The following CNTNAP5 variants were observed in gnomAD, a reference collection of about 807,000 sequenced individuals.
CNTNAP5 encodes contactin associated protein family member 5.
A neutral mutation model predicts 150.2 loss-of-function variants in CNTNAP5; 72 were observed. The ratio of observed to expected loss-of-function variants is 0.48; its 90% confidence interval spans 0.40 to 0.58. The LOEUF (loss-of-function observed/expected upper bound fraction) is 0.58, where lower values mean the gene tolerates loss of function less well. Ranked by LOEUF, CNTNAP5 falls within the 20% of genes least tolerant of loss-of-function variation. The pLI is 0.00. For synonymous variants in CNTNAP5, 672 were observed against 619.8 expected, an observed-to-expected ratio of 1.08 and a Z score of -1.25; for missense variants, 1,636 against 1,626.2, an observed-to-expected ratio of 1.01 and a Z score of -0.10.
At chr2:124,035,654 T>C (rs1251504626) in intron 1 of CNTNAP5, among the ~76,000 whole-genome samples, 3 of 152,176 alleles carry the variant, frequency 2.0e-5, no homozygotes, top group African/African-American at 7.2e-5. Flanking sequence ...CAGGCAAATT[T>C]GCATTCAGCT....
At chr2:124,804,591 C>T (rs1180326086) in intron 19 of CNTNAP5, among the ~76,000 whole-genome samples, 1 of 152,052 alleles carries the variant, frequency 6.6e-6, no homozygotes, top group African/African-American at 2.4e-5. Flanking sequence ...AAGCAGGAGA[C>T]ACTAGAGAAC....
At chr2:124,440,077 T>C (rs1205000554) in intron 5 of CNTNAP5, among the ~76,000 whole-genome samples, 2 of 152,202 alleles carry the variant, frequency 1.3e-5, no homozygotes, top group Non-Finnish European at 2.9e-5. Context: ...CCCTATTCTT[T>C]GAGTCCTTAG....
intron 12 of CNTNAP5, among the ~76,000 whole-genome samples, chr2:124,611,464 CT>C (rs1394065529): frequency 2.0e-5 from 3 of 152,296 alleles, no homozygotes; most frequent in African/African-American, 4.8e-5. Context: ...ATGATAGCTG[CT>C]TTTCAAAAGC....
intron 17 of CNTNAP5, among the ~76,000 whole-genome samples, chr2:124,784,131 A>G (rs1681514000): frequency 6.6e-6 from 1 of 152,188 alleles, no homozygotes; most frequent in Non-Finnish European, 1.5e-5. Flanking sequence ...CTCCATGTTC[A>G]AGGGCATAAA....
At chr2:124,553,875 G>A (rs116610924) in intron 10 of CNTNAP5, among the ~76,000 whole-genome samples, 192 of 152,284 alleles carry the variant, frequency 1.3e-3, no homozygotes, top group African/African-American at 4.5e-3. Context: ...TTTGTGCAGA[G>A]CCTGATGGAG....
intron 8 of CNTNAP5, among the ~76,000 whole-genome samples, chr2:124,510,471 GTA>G (rs1236074808): frequency 6.3e-5 from 3 of 47,956 alleles, no homozygotes; most frequent in South Asian, 8.7e-4. Context: ...TAAATTTTAT[GTA>G]TGTGTATATA....
chr2:124,566,230 G>A (rs1174886186), intron 11 of CNTNAP5, among the ~76,000 whole-genome samples: 2 of 152,062 alleles, frequency 1.3e-5, no homozygotes, highest in African/African-American at 4.8e-5. Flanking sequence ...AGCAAGACAA[G>A]GGAAACATGA....
At chr2:124,698,375 TACACACACAC>T (rs59897587) in intron 13 of CNTNAP5, among the ~76,000 whole-genome samples, 5 of 147,322 alleles carry the variant, frequency 3.4e-5, no homozygotes, top group Non-Finnish European at 3.0e-5. Context: ...GACGAGAGGA[TACACACACAC>T]ACACACACAC....
intron 1 of CNTNAP5, among the ~76,000 whole-genome samples, chr2:124,171,218 T>G (rs1169449368): frequency 6.6e-6 from 1 of 152,194 alleles, no homozygotes; most frequent in African/African-American, 2.4e-5. Context: ...CTGCAAATGC[T>G]CTTTCTCTGT....
At chr2:124,071,286 C>A (rs1351607768) in intron 1 of CNTNAP5, among the ~76,000 whole-genome samples, 1 of 151,604 alleles carries the variant, frequency 6.6e-6, no homozygotes, top group African/African-American at 2.4e-5. Context: ...CCTAACAATG[C>A]ATGTTAGAGA....
chr2:124,739,052 G>C (rs1573584603), intron 13 of CNTNAP5, among the ~76,000 whole-genome samples: 2 of 152,148 alleles, frequency 1.3e-5, no homozygotes, highest in Non-Finnish European at 2.9e-5. Flanking sequence ...GTCCATTCTA[G>C]AGAGCTTTGC....
chr2:124,079,109 T>G (rs1682502608), intron 1 of CNTNAP5, among the ~76,000 whole-genome samples: 1 of 152,202 alleles, frequency 6.6e-6, no homozygotes, highest in Non-Finnish European at 1.5e-5. Context: ...AACTGTTCAC[T>G]GGAACTGTGG....
At chr2:124,509,304 T>A (rs1007758733) in intron 8 of CNTNAP5, among the ~76,000 whole-genome samples, 29 of 152,202 alleles carry the variant, frequency 1.9e-4, no homozygotes, top group African/African-American at 6.8e-4. Context: ...AGGGATGAAG[T>A]TTCAGGAAGA....
chr2:124,242,088 G>C, intron 2 of CNTNAP5, 112 bp from the exon 3 acceptor site: 1 of 810,714 alleles, frequency 1.2e-6, no homozygotes, highest in Non-Finnish European at 2.0e-6. Flanking sequence ...GGCCCATTTG[G>C]GGGTAGAGTC....
intron 13 of CNTNAP5, among the ~76,000 whole-genome samples, chr2:124,721,463 C>A (rs1002410040): frequency 6.7e-6 from 1 of 148,284 alleles, no homozygotes; most frequent in African/African-American, 2.6e-5. Context: ...GCCTGGGTGA[C>A]AGAGTGAGAC....
At chr2:124,268,531 T>C (rs1252074641) in intron 3 of CNTNAP5, among the ~76,000 whole-genome samples, 2 of 152,218 alleles carry the variant, frequency 1.3e-5, no homozygotes, top group Non-Finnish European at 2.9e-5. Flanking sequence ...ACCATATGCT[T>C]ACTTAGGTAA....
At chr2:124,510,283 ATCTATATATCTATATATC>A (rs1694534335) in intron 8 of CNTNAP5, among the ~76,000 whole-genome samples, 1 of 11,074 alleles carries the variant, frequency 9.0e-5, no homozygotes, top group African/African-American at 1.9e-4. Flanking sequence ...CTATATCTAT[ATCTATATATCTATATATC>A]TATATATATA....
At chr2:124,568,541 C>T (rs1456583184) in intron 11 of CNTNAP5, among the ~76,000 whole-genome samples, 1 of 152,196 alleles carries the variant, frequency 6.6e-6, no homozygotes, top group Non-Finnish European at 1.5e-5. Context: ...GAGCTTTTCA[C>T]ATGCTACTGC....
At chr2:124,501,146 T>C (rs897651173) in intron 7 of CNTNAP5, among the ~76,000 whole-genome samples, 2 of 152,230 alleles carry the variant, frequency 1.3e-5, no homozygotes, top group African/African-American at 4.8e-5. Context: ...TGGTTTTACC[T>C]TGAAGGTTTG....
Sources: allele counts gnomAD v4.1 joint callset (sites outside exome capture counted in the v4.1 genomes callset), GRCh38; gene constraint gnomAD v4.1.1; transcripts MANE v1.5; gene names NCBI Gene and HGNC (gene_info 2026-07-23, HGNC 2026-07-21).